The following PCDHGA6 variants were observed in gnomAD, a reference collection of about 807,000 sequenced individuals.
The protein encoded by PCDHGA6 is protocadherin gamma subfamily A, 6.
PCDHGA6 carries 41 observed loss-of-function variants against 60.6 expected under a neutral mutation model. The ratio of observed to expected loss-of-function variants is 0.68; its 90% CI spans 0.53 to 0.88. The LOEUF is 0.88. Ranked by LOEUF, PCDHGA6 falls within the 40% of genes least tolerant of loss-of-function variation. The pLI is 0.00. For missense variants in PCDHGA6, 1,312 were observed against 1,203.0 expected (o/e 1.09, Z -1.34); for synonymous variants, 594 against 524.4 (o/e 1.13, Z -1.81).
At chr5:141,421,229 T>C (rs776952658) in intron 1 of PCDHGA6, 3 of 1,589,662 alleles carry the variant, frequency 1.9e-6, no homozygotes, top group South Asian at 1.1e-5. Flanking sequence ...GAGCCTGCCA[T>C]GGCGAATCGG....
chr5:141,386,398 C>T (rs904703549), intron 1 of PCDHGA6, among the ~76,000 whole-genome samples: 2 of 151,972 alleles, frequency 1.3e-5, no homozygotes, highest in South Asian at 2.1e-4. Flanking sequence ...ACACTTTTAG[C>T]CAGGTATGGT....
At chr5:141,419,635 G>A in intron 1 of PCDHGA6, 1 of 1,612,480 alleles carries the variant, frequency 6.2e-7, no homozygotes, top group African/African-American at 1.3e-5. Flanking sequence ...CCAAGGTGGT[G>A]GCCGTGGACG....
intron 1 of PCDHGA6, chr5:141,423,760 G>A: frequency 1.1e-5 from 3 of 279,660 alleles, no homozygotes; most frequent in Non-Finnish European, 1.1e-5. Flanking sequence ...TGGGGGGGGG[G>A]TGGGGCGGCA....
intron 1 of PCDHGA6, chr5:141,418,929 T>A: frequency 6.2e-7 from 1 of 1,614,034 alleles, no homozygotes; most frequent in Non-Finnish European, 8.5e-7. Flanking sequence ...GATCAGATTA[T>A]GGAGGATTCC....
chr5:141,390,020 C>A, intron 1 of PCDHGA6: 2 of 1,614,048 alleles, frequency 1.2e-6, no homozygotes, highest in Non-Finnish European at 1.7e-6. Flanking sequence ...TTGCCTTGCG[C>A]CTGCGACGCT....
At chr5:141,475,950 C>T (rs1236145505) in intron 1 of PCDHGA6, 3 of 761,526 alleles carry the variant, frequency 3.9e-6, no homozygotes, top group East Asian at 2.7e-5. Context: ...CCCCTTTCTG[C>T]GCCCCGGGAT....
chr5:141,405,446 G>A, intron 1 of PCDHGA6: 1 of 1,338,140 alleles, frequency 7.5e-7, no homozygotes, highest in Non-Finnish European at 1.0e-6. Flanking sequence ...TTGAGACAGA[G>A]TCTTACTCTG....
chr5:141,478,489 C>T (rs779457709), intron 1 of PCDHGA6: 99 of 1,613,162 alleles, frequency 6.1e-5, no homozygotes, highest in Non-Finnish European at 8.1e-5. Context: ...CGCTGCGGAG[C>T]TGTGATCCGG....
rs200117787 is a variant in PCDHGA6, at chr5:141,477,443, G to T, written c.2425-17364G>T. ...CCCTTCCCTCTCAGCCCTTACAATA[G>T]TGCGTGTTCAAGTGTCCGACATCAA... On this transcript the variant is annotated intron_variant, in intron 1 of 3. Coordinates refer to ENST00000517434, the MANE Select transcript of PCDHGA6 (RefSeq NM_018919.3). This position sits in a 1 kb window ranked among gnomAD's most constrained non-coding sequence, Gnocchi z 4.9. The T allele has an allele frequency of 1.7e-5, 28 of 1,614,136 alleles. No homozygotes were observed. In the East Asian group the frequency reaches 6.2e-4, roughly 36 times the overall value.
intron 1 of PCDHGA6, chr5:141,421,253 A>G: frequency 6.2e-7 from 1 of 1,607,298 alleles, no homozygotes; most frequent in South Asian, 1.1e-5. Context: ...CAGCGCGGGG[A>G]CCGCAGTCGG....
chr5:141,415,419 C>A, intron 1 of PCDHGA6: 1 of 1,614,196 alleles, frequency 6.2e-7, no homozygotes, highest in East Asian at 2.2e-5. Context: ...TGGGCGTGGA[C>A]GGGGTTCGGG....
intron 1 of PCDHGA6, chr5:141,422,581 G>A (rs1223117895): frequency 3.7e-6 from 6 of 1,613,984 alleles, no homozygotes; most frequent in Non-Finnish European, 4.2e-6. Flanking sequence ...TAACCCTCCC[G>A]TTTTTCCTCA....
intron 1 of PCDHGA6, chr5:141,402,966 C>G (rs749578447): frequency 6.8e-6 from 11 of 1,605,942 alleles, no homozygotes; most frequent in Non-Finnish European, 8.5e-6. Context: ...GCAGCTCCAA[C>G]CAAATGCCAG....
At position 141,491,766 on chromosome 5, in the gene PCDHGA6, T is replaced by G. The variant is rs772444495; in HGVS notation, c.2425-3041T>G. On this transcript the variant is annotated intron_variant, in intron 1 of 3. Coordinates refer to ENST00000517434, the MANE Select transcript of PCDHGA6 (RefSeq NM_018919.3). This position sits in a 1 kb window ranked among gnomAD's most constrained non-coding sequence, Gnocchi z 6.9. ...GCACTGGAGAAGCCGCCCGTCCTCA[T>G]AAGGGATTGAACTTGCATCCACTCC... The G allele has an allele frequency of 1.9e-6, 3 of 1,567,856 alleles. No homozygotes were observed. Among genetic ancestry groups the G allele is most frequent in the Non-Finnish European group, 8.6e-7 (1 of 1,158,088 alleles).
At chr5:141,481,813 G>C (rs185558948) in intron 1 of PCDHGA6, among the ~76,000 whole-genome samples, 1 of 151,824 alleles carries the variant, frequency 6.6e-6, no homozygotes, top group African/African-American at 2.4e-5. Flanking sequence ...TTCACCAGGC[G>C]TGGTGGCTGA....
chr5:141,408,277 C>T (rs367948897), intron 1 of PCDHGA6: 2 of 1,611,980 alleles, frequency 1.2e-6, no homozygotes, highest in African/African-American at 1.3e-5. Context: ...TGCCTTTGTT[C>T]TACCCCACCC....
intron 1 of PCDHGA6, chr5:141,478,150 C>T (rs569939900): frequency 6.2e-7 from 1 of 1,614,086 alleles, no homozygotes; most frequent in African/African-American, 1.3e-5. Flanking sequence ...CCGAGTTCCC[C>T]TCTGGCTCTG....
intron 1 of PCDHGA6, 57 bp downstream of exon 1, chr5:141,376,564 A>T: frequency 1.2e-6 from 2 of 1,607,478 alleles, no homozygotes; most frequent in East Asian, 4.5e-5. Flanking sequence ...CAACCCAACT[A>T]ATCAGACAGG....
intron 1 of PCDHGA6, chr5:141,417,692 C>T (rs2096147964): frequency 1.8e-6 from 2 of 1,089,118 alleles, no homozygotes; most frequent in Non-Finnish European, 2.5e-6. Flanking sequence ...AAAAGAAAAC[C>T]AGCTCCCACA....
Sources: allele counts gnomAD v4.1 joint callset (sites outside exome capture counted in the v4.1 genomes callset), GRCh38; gene constraint gnomAD v4.1.1; non-coding constraint Gnocchi (gnomAD v3.1); transcripts MANE v1.5; gene names NCBI Gene and HGNC (gene_info 2026-07-23, HGNC 2026-07-21).